Variants in PRKCH observed in about 807,000 individuals in gnomAD.
The protein encoded by PRKCH is protein kinase C eta type.
In PRKCH, 28 loss-of-function variants were observed where a neutral mutation model predicts 82.5. The observed-to-expected ratio is 0.34, with a 90% CI of 0.25 to 0.47. PRKCH has a LOEUF of 0.47. Ranked by LOEUF, PRKCH falls within the 20% of genes least tolerant of loss-of-function variation. The pLI, the probability that PRKCH is intolerant of heterozygous loss-of-function variation, is 1.00. For synonymous variants in PRKCH, 322 were observed against 327.4 expected, an observed-to-expected ratio of 0.98 and a Z score of 0.18; for missense variants, 705 against 881.8, an observed-to-expected ratio of 0.80 and a Z score of 2.54.
chr14:61,498,752 T>C (rs1174085869), intron 10 of PRKCH, among the ~76,000 whole-genome samples: 1 of 152,172 alleles, frequency 6.6e-6, no homozygotes, highest in Non-Finnish European at 1.5e-5. Flanking sequence ...CTCACCTTTG[T>C]GGCCTCACCT....
intron 1 of PRKCH, among the ~76,000 whole-genome samples, chr14:61,364,806 C>G (rs2046276674): frequency 6.6e-6 from 1 of 151,960 alleles, no homozygotes; most frequent in African/African-American, 2.4e-5. Flanking sequence ...CACCATTGCG[C>G]TCCAGCTCGG....
At chr14:61,209,405 C>T (rs1269860858) in intron 1 of PRKCH, among the ~76,000 whole-genome samples, 2 of 150,620 alleles carry the variant, frequency 1.3e-5, no homozygotes, top group East Asian at 3.9e-4. Flanking sequence ...TCTTGGATTC[C>T]AGCTTCCAGA....
At chr14:61,268,394 G>A (rs555032902) in intron 1 of PRKCH, among the ~76,000 whole-genome samples, 10 of 152,222 alleles carry the variant, frequency 6.6e-5, no homozygotes, top group South Asian at 4.2e-4. Context: ...GGCCGGGTGC[G>A]ATGGCTCACA....
chr14:61,221,955 C>T (rs529773852), intron 1 of PRKCH, among the ~76,000 whole-genome samples: 7 of 152,272 alleles, frequency 4.6e-5, no homozygotes, highest in African/African-American at 1.4e-4. Flanking sequence ...ACAGAGATTG[C>T]CATCCCATGT....
intron 1 of PRKCH, among the ~76,000 whole-genome samples, chr14:61,292,586 T>TATCA (rs933269660): frequency 3.0e-4 from 46 of 151,626 alleles, no homozygotes; most frequent in African/African-American, 1.1e-3. Flanking sequence ...ACCAGCCTGA[T>TATCA]GGGGTGAAAC....
At chr14:61,494,069 C>T (rs569555258) in intron 10 of PRKCH, among the ~76,000 whole-genome samples, 4 of 152,138 alleles carry the variant, frequency 2.6e-5, no homozygotes, top group Middle Eastern at 3.4e-3. Flanking sequence ...ATGACAGGTG[C>T]CTGAGGTATA....
intron 1 of PRKCH, among the ~76,000 whole-genome samples, chr14:61,228,711 A>G (rs1322680330): frequency 6.6e-6 from 1 of 151,998 alleles, no homozygotes. Context: ...GCAGTTCGGG[A>G]AAGAGTTTTT....
chr14:61,433,274 C>G (rs10136493), intron 2 of PRKCH, among the ~76,000 whole-genome samples: 4,363 of 152,176 alleles, frequency 0.029, 233 homozygotes, highest in African/African-American at 0.1. Flanking sequence ...CAGCATACTC[C>G]TCATGGCTAA....
intron 1 of PRKCH, among the ~76,000 whole-genome samples, chr14:61,213,994 T>C (rs542497933): frequency 4.5e-4 from 68 of 152,320 alleles, no homozygotes; most frequent in African/African-American, 1.6e-3. Context: ...CAAGTTAGCA[T>C]ATAATCCATA....
intron 2 of PRKCH, among the ~76,000 whole-genome samples, chr14:61,418,351 T>C (rs1215271033): frequency 6.6e-6 from 1 of 152,234 alleles, no homozygotes; most frequent in Non-Finnish European, 1.5e-5. Context: ...ATAAACTCAC[T>C]GTCTGGAGAG....
intron 11 of PRKCH, among the ~76,000 whole-genome samples, chr14:61,529,683 C>T (rs1000061767): frequency 6.5e-5 from 9 of 138,918 alleles, no homozygotes; most frequent in African/African-American, 2.5e-4. Flanking sequence ...CATATTCTCA[C>T]TCATAGGTGG....
intron 1 of PRKCH, among the ~76,000 whole-genome samples, chr14:61,190,945 G>T (rs1202588203): frequency 6.6e-6 from 1 of 151,882 alleles, no homozygotes; most frequent in South Asian, 2.1e-4. Context: ...ACAATTTAGG[G>T]TGAAAAAAAT....
At chr14:61,250,706 C>T (rs1045104209) in intron 1 of PRKCH, among the ~76,000 whole-genome samples, 3 of 151,978 alleles carry the variant, frequency 2.0e-5, no homozygotes, top group Non-Finnish European at 4.4e-5. Flanking sequence ...ATAGAATGTA[C>T]GACACCAAGA....
intron 12 of PRKCH, among the ~76,000 whole-genome samples, chr14:61,536,184 A>ACT (rs10647032): frequency 0.75 from 114,228 of 151,548 alleles, 45,893 homozygotes; most frequent in Non-Finnish European, 0.89. Context: ...CACCCTCATG[A>ACT]TTTTTTGCCA....
chr14:61,382,546 G>A (rs2046528337), intron 1 of PRKCH, among the ~76,000 whole-genome samples: 1 of 152,090 alleles, frequency 6.6e-6, no homozygotes, highest in Non-Finnish European at 1.5e-5. Flanking sequence ...GAATTTGAAT[G>A]CTCATTTTTA....
chr14:61,508,029 A>G (rs182895130), intron 10 of PRKCH, among the ~76,000 whole-genome samples: 1 of 152,080 alleles, frequency 6.6e-6, no homozygotes, highest in African/African-American at 2.4e-5. Context: ...ACAGGTATAC[A>G]CCTCTCCAAA....
At chr14:61,343,229 C>G (rs1594930292) in intron 1 of PRKCH, among the ~76,000 whole-genome samples, 1 of 151,852 alleles carries the variant, frequency 6.6e-6, no homozygotes, top group South Asian at 2.1e-4. Context: ...GGCTAGTGTC[C>G]TGTCTGGAGA....
Position 61,549,666 on chromosome 14 carries a change from T to G in PRKCH, c.1906-19T>G, listed in dbSNP as rs779582353. On this transcript the variant is annotated intron_variant, in intron 13 of 13. Transcript: ENST00000332981. ...CAAGCGCAAAAATCTCACCCTTGTT[T>G]CCCTTTTTTTTTTGGCAGAAATCCC... The G allele has an allele frequency of 6.2e-7, 1 of 1,607,304 alleles. No homozygotes were observed. The highest frequency in any genetic ancestry group is 1.3e-5 in the African/African-American group (1 of 74,502).
chr14:61,222,131 A>G (rs2044661218), intron 1 of PRKCH, among the ~76,000 whole-genome samples: 1 of 152,236 alleles, frequency 6.6e-6, no homozygotes, highest in African/African-American at 2.4e-5. Flanking sequence ...GCCCCTTTCT[A>G]ATCACAGAAA....
Sources: allele counts gnomAD v4.1 joint callset (sites outside exome capture counted in the v4.1 genomes callset), GRCh38; gene constraint gnomAD v4.1.1; transcripts MANE v1.5; gene names NCBI Gene and HGNC (gene_info 2026-07-23, HGNC 2026-07-21).